AFF3: variants seen among roughly 807,000 people sequenced by gnomAD.
AFF3 encodes the protein ALF transcription elongation factor 3.
AFF3 carries 32 observed loss-of-function variants against 129.7 expected under a neutral mutation model. The observed-to-expected ratio is 0.25, with a 90% CI of 0.19 to 0.33. The LOEUF (loss-of-function observed/expected upper bound fraction) is 0.33, where lower values mean the gene tolerates loss of function less well. Ranked by LOEUF, AFF3 falls within the 10% of genes least tolerant of loss-of-function variation. AFF3 has a pLI of 1.00. For synonymous variants in AFF3, 644 were observed against 635.4 expected, an observed-to-expected ratio of 1.01 and a Z score of -0.20; for missense variants, 1,373 against 1,592.0, an observed-to-expected ratio of 0.86 and a Z score of 2.34.
intron 4 of AFF3, among the ~76,000 whole-genome samples, chr2:100,009,444 T>C (rs559722640): frequency 1.3e-5 from 2 of 152,236 alleles, no homozygotes; most frequent in South Asian, 4.1e-4. Context: ...ATGAGCCTTC[T>C]TCTGATCTCT....
intron 8 of AFF3, among the ~76,000 whole-genome samples, chr2:99,808,066 A>T: frequency 6.6e-6 from 1 of 152,224 alleles, no homozygotes; most frequent in Non-Finnish European, 1.5e-5. Context: ...GGCAACCAAA[A>T]TAGCTACGTC....
chr2:100,094,523 A>T (rs551870654), intron 4 of AFF3, among the ~76,000 whole-genome samples: 2 of 152,160 alleles, frequency 1.3e-5, no homozygotes, highest in East Asian at 3.9e-4. Flanking sequence ...GCAGCTGTAA[A>T]TACAGATGAA....
At chr2:99,863,111 C>G (rs1488079206) in intron 7 of AFF3, among the ~76,000 whole-genome samples, 1 of 152,164 alleles carries the variant, frequency 6.6e-6, no homozygotes, top group Non-Finnish European at 1.5e-5. Context: ...AAAGACTCTA[C>G]TATTCATTCC....
At chr2:99,674,408 G>A (rs1361876796) in intron 11 of AFF3, among the ~76,000 whole-genome samples, 1 of 152,140 alleles carries the variant, frequency 6.6e-6, no homozygotes, top group Non-Finnish European at 1.5e-5. Flanking sequence ...AGAACACAAC[G>A]CCAGTTTGCT....
In AFF3 at chr2:99,650,147, T is replaced by C. The variant is rs113435189; in HGVS notation, c.1144-481A>G. ...GGAATATGGAATGCCACTAGAAATC[T>C]CAAGGGATTATTGATTTGCTTTAGG... On this transcript the variant is annotated intron_variant, in intron 12 of 24. Coordinates refer to ENST00000672756, the MANE Select transcript of AFF3 (RefSeq NM_001386135.1). Among the ~76,000 whole-genome samples the C allele has an allele frequency of 4.7e-3, 714 of 152,370 alleles. 8 individuals are homozygous for C. The highest frequency in any genetic ancestry group is 0.015 in the African/African-American group (632 of 41,582).
intron 12 of AFF3, among the ~76,000 whole-genome samples, chr2:99,666,576 G>C (rs1686693999): frequency 6.6e-6 from 1 of 152,124 alleles, no homozygotes; most frequent in African/African-American, 2.4e-5. Context: ...AATGTAAATG[G>C]TCTAAATGTA....
chr2:99,554,694 C>T lies in AFF3; in HGVS notation c.3324G>A (p.Gly1108=), dbSNP rs374242113. 5.0e-6 allele frequency: 8 copies of T among 1,614,038 alleles called. No homozygotes were observed. The highest frequency in any genetic ancestry group is 1.7e-5 in the Admixed American group (1 of 59,996). Residue 1108 remains glycine, a synonymous_variant, in exon 23 of 25, where the codon GGG becomes GGA. Coordinates refer to ENST00000672756, the MANE Select transcript of AFF3 (RefSeq NM_001386135.1). ...AAAAGCGAACTTACTTTCCACTGGC[C>T]CCCCACGGAGATGGGGCTTGGGCGG... ...SKAAQAPSPW[G]ASGKSTGTPS...
chr2:100,049,680 T>C (rs1216698477), intron 4 of AFF3, among the ~76,000 whole-genome samples: 2 of 152,224 alleles, frequency 1.3e-5, no homozygotes, highest in African/African-American at 2.4e-5. Flanking sequence ...TGTGGCAGAA[T>C]GGCTAGTGAA....
chr2:99,716,778 G>A (rs1479549399), intron 11 of AFF3, among the ~76,000 whole-genome samples: 2 of 151,992 alleles, frequency 1.3e-5, no homozygotes, highest in Non-Finnish European at 2.9e-5. Flanking sequence ...CTACTTTGGG[G>A]GGGCTGAGGC....
chr2:99,556,077 T>C (rs1674888871), intron 22 of AFF3, among the ~76,000 whole-genome samples: 1 of 152,184 alleles, frequency 6.6e-6, no homozygotes, highest in Admixed American at 6.5e-5. Context: ...ATAGAATGCA[T>C]GTTCTGGATA....
At chr2:99,642,292 T>TTA (rs911413356) in intron 13 of AFF3, among the ~76,000 whole-genome samples, 1 of 151,980 alleles carries the variant, frequency 6.6e-6, no homozygotes, top group African/African-American at 2.4e-5. Context: ...TTTTGATCTT[T>TTA]TTTTTTTTTT....
intron 7 of AFF3, among the ~76,000 whole-genome samples, chr2:99,898,217 A>C (rs1001698151): frequency 6.6e-6 from 1 of 152,244 alleles, no homozygotes; most frequent in African/African-American, 2.4e-5. Context: ...TAAAGAATGG[A>C]CATTTTTTCC....
intron 8 of AFF3, among the ~76,000 whole-genome samples, chr2:99,756,950 C>T (rs969053828): frequency 7.9e-5 from 12 of 152,212 alleles, no homozygotes; most frequent in Non-Finnish European, 1.3e-4. Context: ...AGAAGCAGCC[C>T]TGACATAACT....
chr2:99,714,062 G>A (rs777253686), intron 11 of AFF3, among the ~76,000 whole-genome samples: 2 of 152,118 alleles, frequency 1.3e-5, no homozygotes, highest in Non-Finnish European at 2.9e-5. Flanking sequence ...TTCCAATGTC[G>A]TGCCAGAACA....
chr2:99,573,864 C>T (rs776787036), intron 18 of AFF3, among the ~76,000 whole-genome samples: 116 of 152,326 alleles, frequency 7.6e-4, no homozygotes, highest in Non-Finnish European at 1.5e-3. Context: ...GCAGCCAGCA[C>T]TTCCTCCAGG....
chr2:99,555,736 GTTTCTTTTGGTTAGAAAGA>G, intron 22 of AFF3, among the ~76,000 whole-genome samples: 1 of 152,286 alleles, frequency 6.6e-6, no homozygotes, highest in East Asian at 1.9e-4. Flanking sequence ...GAGACAACAT[GTTTCTTTTGGTTAGAAAGA>G]ACTTTATGGA....
chr2:99,728,555 T>C (rs1175573461), intron 10 of AFF3, among the ~76,000 whole-genome samples: 15 of 152,212 alleles, frequency 9.9e-5, no homozygotes, highest in Non-Finnish European at 1.9e-4. Flanking sequence ...TTATATGTCC[T>C]TCTCTTTTTC....
chr2:99,596,071 C>T (rs751271342), intron 14 of AFF3, among the ~76,000 whole-genome samples: 3 of 152,202 alleles, frequency 2.0e-5, no homozygotes, highest in Admixed American at 6.5e-5. Flanking sequence ...CCCCTGGCCC[C>T]GACACAGATT....
At chr2:99,994,121 T>TAA (rs111827633) in intron 7 of AFF3, among the ~76,000 whole-genome samples, 3 of 151,406 alleles carry the variant, frequency 2.0e-5, no homozygotes, top group Non-Finnish European at 4.4e-5. Context: ...TAATCTTTTT[T>TAA]AAAAAAAAAT....
Sources: allele counts gnomAD v4.1 joint callset (sites outside exome capture counted in the v4.1 genomes callset), GRCh38; gene constraint gnomAD v4.1.1; transcripts MANE v1.5; gene names NCBI Gene and HGNC (gene_info 2026-07-23, HGNC 2026-07-21).